Variants in RNF11 observed in about 807,000 individuals in gnomAD.
RNF11 encodes ring finger protein 11.
A neutral mutation model predicts 15.8 loss-of-function variants in RNF11; 4 were observed. The ratio of observed to expected loss-of-function variants is 0.25; its 90% CI spans 0.12 to 0.58. The LOEUF is 0.58. Among genes scored for constraint, RNF11 ranks in the 20% least tolerant of loss-of-function variants. The pLI is 0.91. For synonymous variants in RNF11, 68 were observed against 72.3 expected (o/e 0.94, Z 0.30); for missense variants, 139 against 194.4 (o/e 0.71, Z 1.70).
intron 1 of RNF11, among the ~76,000 whole-genome samples, chr1:51,259,566 A>G (rs754992603): frequency 3.5e-4 from 53 of 152,206 alleles, no homozygotes; most frequent in Non-Finnish European, 6.2e-4. Context: ...GTTTTGATCC[A>G]TTATCACTGT....
intron 1 of RNF11, among the ~76,000 whole-genome samples, chr1:51,267,146 G>A (rs1477935275): frequency 6.6e-6 from 1 of 152,178 alleles, no homozygotes; most frequent in Non-Finnish European, 1.5e-5. Flanking sequence ...GGCTGCAGTG[G>A]GAGGATTACT....
intron 1 of RNF11, among the ~76,000 whole-genome samples, chr1:51,239,289 G>A (rs957660374): frequency 6.6e-6 from 1 of 152,172 alleles, no homozygotes; most frequent in African/African-American, 2.4e-5. Flanking sequence ...ACTAGGTGAT[G>A]ATGAGGGATG....
At chr1:51,261,107 G>T (rs1557681504) in intron 1 of RNF11, among the ~76,000 whole-genome samples, 1 of 151,858 alleles carries the variant, frequency 6.6e-6, no homozygotes, top group East Asian at 1.9e-4. Context: ...CCTAGATTTT[G>T]TTTCTCAAAA....
At chr1:51,248,205 C>CTT (rs71063020) in intron 1 of RNF11, among the ~76,000 whole-genome samples, 6,298 of 113,240 alleles carry the variant, frequency 0.056, 189 homozygotes, top group African/African-American at 0.073. Flanking sequence ...TTTTCTTTTT[C>CTT]TTTTTTTTTT....
At chr1:51,267,308 A>C (rs1352271139) in intron 1 of RNF11, among the ~76,000 whole-genome samples, 1 of 152,220 alleles carries the variant, frequency 6.6e-6, no homozygotes, top group African/African-American at 2.4e-5. Context: ...TTGCAAATAT[A>C]AAGTGGGAGC....
At chr1:51,256,495 C>T (rs567179964) in intron 1 of RNF11, among the ~76,000 whole-genome samples, 3 of 152,152 alleles carry the variant, frequency 2.0e-5, no homozygotes, top group Admixed American at 6.5e-5. Flanking sequence ...TTCCACATTT[C>T]GATAGTCATG....
chr1:51,259,946 T>C (rs1306603876), intron 1 of RNF11, among the ~76,000 whole-genome samples: 2 of 152,226 alleles, frequency 1.3e-5, no homozygotes, highest in Non-Finnish European at 2.9e-5. Context: ...CCATCAATAG[T>C]TGTAGTCTTA....
intron 1 of RNF11, among the ~76,000 whole-genome samples, chr1:51,237,354 C>T (rs368407395): frequency 1.2e-4 from 18 of 151,110 alleles, no homozygotes; most frequent in African/African-American, 3.9e-4. Context: ...CAGGTTTTCC[C>T]TCTGCTTGGG....
chr1:51,262,974 A>T (rs569497790), intron 1 of RNF11, among the ~76,000 whole-genome samples: 1 of 152,316 alleles, frequency 6.6e-6, no homozygotes, highest in East Asian at 1.9e-4. Flanking sequence ...AAAAAGATTA[A>T]GTTTAAGCAA....
At chr1:51,262,442 A>C (rs942292925) in intron 1 of RNF11, among the ~76,000 whole-genome samples, 1 of 152,258 alleles carries the variant, frequency 6.6e-6, no homozygotes, top group African/African-American at 2.4e-5. Flanking sequence ...TGAAAGTAAA[A>C]GTAACCAAAG....
chr1:51,256,536 G>T (rs1400935327), intron 1 of RNF11, among the ~76,000 whole-genome samples: 1 of 152,114 alleles, frequency 6.6e-6, no homozygotes, highest in Non-Finnish European at 1.5e-5. Flanking sequence ...TTGTTTCTGG[G>T]TTTTGGTTGG....
chr1:51,264,558 C>A (rs1376716139), intron 1 of RNF11, among the ~76,000 whole-genome samples: 1 of 151,976 alleles, frequency 6.6e-6, no homozygotes, highest in Non-Finnish European at 1.5e-5. Flanking sequence ...CAGTAGGAGA[C>A]TGCAGCTGGG....
intron 1 of RNF11, among the ~76,000 whole-genome samples, chr1:51,254,410 G>A (rs776486546): frequency 5.9e-5 from 9 of 151,952 alleles, no homozygotes; most frequent in Non-Finnish European, 4.4e-5. Flanking sequence ...TCAGCCTCCC[G>A]AGTAGCTGGG....
chr1:51,264,297 T>TATATAA (rs1553169453), intron 1 of RNF11, among the ~76,000 whole-genome samples: 4 of 87,602 alleles, frequency 4.6e-5, no homozygotes, highest in Non-Finnish European at 6.1e-5. Context: ...AATATATATA[T>TATATAA]ATATATATAT....
In RNF11 at chr1:51,236,776, C is replaced by T. The variant is rs751594098; in HGVS notation, c.20C>T (p.Ser7Phe). 1.2e-6 allele frequency: 2 copies of T among 1,613,462 alleles called. No individual in the cohort carries two copies. Among genetic ancestry groups the T allele is most frequent in the Admixed American group, 1.7e-5 (1 of 59,952 alleles). The part of the protein sequence containing the change: MGNCLK[S>F]PTSDDISLLH... ...CGGAAGATGGGGAACTGCCTCAAAT[C>T]CCCCACCTCGGATGACATCTCCCTG... The change falls in exon 1 of 3, where the codon TCC (serine) becomes TTC (phenylalanine). Residue 7 changes from serine to phenylalanine, a missense_variant. By Grantham distance (155) the Ser-to-Phe change is radical. Coordinates refer to ENST00000242719, the MANE Select transcript of RNF11 (RefSeq NM_014372.5).
chr1:51,261,888 G>A (rs185598509), intron 1 of RNF11, among the ~76,000 whole-genome samples: 4 of 151,924 alleles, frequency 2.6e-5, no homozygotes, highest in East Asian at 1.9e-4. Flanking sequence ...TTCACGGCTC[G>A]TTGCTATGGC....
At chr1:51,251,882 G>A (rs780602107) in intron 1 of RNF11, among the ~76,000 whole-genome samples, 26 of 151,866 alleles carry the variant, frequency 1.7e-4, no homozygotes, top group African/African-American at 2.7e-4. Context: ...AGTTTGCGAC[G>A]AGCCTGGCCA....
At chr1:51,243,882 C>T (rs1465586336) in intron 1 of RNF11, among the ~76,000 whole-genome samples, 1 of 152,198 alleles carries the variant, frequency 6.6e-6, no homozygotes, top group Non-Finnish European at 1.5e-5. Flanking sequence ...TCATACTGAG[C>T]AGTTTGCTGT....
chr1:51,254,811 TG>T (rs745558820), intron 1 of RNF11, among the ~76,000 whole-genome samples: 1 of 152,208 alleles, frequency 6.6e-6, no homozygotes, highest in East Asian at 1.9e-4. Context: ...TTGGCCAGGC[TG>T]GTCTGGACTT....
Sources: gnomAD v4.1 joint callset for allele counts (sites outside exome capture counted in the v4.1 genomes callset) on GRCh38, gnomAD v4.1.1 for gene constraint, MANE v1.5 for transcripts, NCBI Gene and HGNC (gene_info 2026-07-23, HGNC 2026-07-21) for gene names.